CMC2: variants seen among roughly 807,000 people sequenced by gnomAD.
CMC2 encodes C-X9-C motif containing 2.
A neutral mutation model predicts 7.5 loss-of-function variants in CMC2; 5 were observed. The observed-to-expected ratio is 0.66, with a 90% CI of 0.35 to 1.40. CMC2 has a LOEUF of 1.40. Ranked by LOEUF, CMC2 falls within the 40% of genes most tolerant of loss-of-function variation. The pLI, the probability that CMC2 is intolerant of heterozygous loss-of-function variation, is 0.04. For synonymous variants in CMC2, 37 were observed against 31.4 expected (o/e 1.18, Z -0.60); for missense variants, 115 against 92.3 (o/e 1.25, Z -1.01).
intron 1 of CMC2, among the ~76,000 whole-genome samples, chr16:81,004,728 A>G (rs895728609): frequency 3.9e-5 from 6 of 152,232 alleles, no homozygotes; most frequent in African/African-American, 1.4e-4. Flanking sequence ...TATAAAAATT[A>G]TAGCTTTCTT....
chr16:80,978,410 TG>T (rs59299004), intron 3 of CMC2: 79,933 of 1,246,984 alleles, frequency 0.064, 4,638 homozygotes, highest in African/African-American at 0.25. Flanking sequence ...GAAGTCCAGA[TG>T]GTCCCTGAAT....
At chr16:80,985,118 A>G (rs770583393) in intron 2 of CMC2, among the ~76,000 whole-genome samples, 1 of 152,230 alleles carries the variant, frequency 6.6e-6, no homozygotes, top group Non-Finnish European at 1.5e-5. Context: ...CTCTCACAGT[A>G]CATAGTCAGA....
At chr16:81,000,327 C>G (rs112455825) in intron 1 of CMC2, among the ~76,000 whole-genome samples, 3 of 152,076 alleles carry the variant, frequency 2.0e-5, no homozygotes, top group Admixed American at 6.6e-5. Flanking sequence ...GAAACCCCAT[C>G]TCTACTAAAG....
rs1285978151 is a variant in CMC2, at chr16:80,966,522, G to C, written c.*9571C>G. On this transcript the variant is annotated 3_prime_UTR_variant, in exon 4 of 4. Transcript: ENST00000219400. ...TTGTATCTTGTTTTGGTCTTAGGTT[G>C]AAAATCTTGGTTTCTACTGACACTA... 1 of 152,114 alleles carries C rather than the reference G, an allele frequency of 6.6e-6. No homozygotes were observed. The highest frequency in any genetic ancestry group is 2.4e-5 in the African/African-American group (1 of 41,406). The allele number at this position is 152,114 out of a possible 1,614,324, so 9.4% of individuals were successfully genotyped here. A position where few individuals can be genotyped will look rare whatever the true frequency, so the allele number is the denominator to read the frequency against.
chr16:80,997,449 T>C lies in CMC2; in HGVS notation c.-35-20A>G. ...TGCAACCTGTGGATACAAGAGTGTC[T>C]TGAATATGCATAAACACATTTGTTA... On this transcript the variant is annotated intron_variant, in intron 1 of 3. Transcript: ENST00000219400. 5 of 1,254,544 alleles carry C rather than the reference T, an allele frequency of 4.0e-6. No individual in the cohort carries two copies. In the South Asian group the frequency reaches 4.8e-5, roughly 12 times the overall value. The allele number at this position is 1,254,544 out of a possible 1,614,324, so 77.7% of individuals were successfully genotyped here.
In CMC2 at chr16:80,971,617, A is replaced by C. The variant is rs1052813744; in HGVS notation, c.*4476T>G. 2.3e-5 allele frequency: 3 copies of C among 132,946 alleles called. No individual in the cohort carries two copies. The highest frequency in any genetic ancestry group is 4.7e-5 in the Non-Finnish European group (3 of 63,850). 8.2% of individuals were successfully genotyped at this position (132,946 alleles called of 1,614,324 possible). A position where few individuals can be genotyped will look rare whatever the true frequency, so the allele number is the denominator to read the frequency against. ...AATCATGCATATATATATATGTATGAAATCATGCATGAGAATGAAATATAT... is the reference window on the plus strand; with the variant it reads ...AATCATGCATATATATATATGTATGCAATCATGCATGAGAATGAAATATAT... On this transcript the variant is annotated 3_prime_UTR_variant, in exon 4 of 4. Transcript: ENST00000219400.
intron 3 of CMC2, among the ~76,000 whole-genome samples, chr16:80,979,978 C>T (rs1420401709): frequency 2.0e-5 from 3 of 151,582 alleles, no homozygotes; most frequent in South Asian, 2.1e-4. Context: ...AGCACTGTGG[C>T]GACCTAGATA....
chr16:80,968,336 A>C lies in CMC2; in HGVS notation c.*7757T>G, dbSNP rs2151600838. On this transcript the variant is annotated 3_prime_UTR_variant, in exon 4 of 4. Transcript: ENST00000219400. ...TTCTCCCACCTCGGCCTTCGAAAGTACTGGGATTACAGGCGCAAGCCACCC... is the reference window on the plus strand; with the variant it reads ...TTCTCCCACCTCGGCCTTCGAAAGTCCTGGGATTACAGGCGCAAGCCACCC... 1 of 152,320 alleles carries C rather than the reference A, an allele frequency of 6.6e-6. No homozygotes were observed. The highest frequency in any genetic ancestry group is 2.4e-5 in the African/African-American group (1 of 41,550). 9.4% of individuals were successfully genotyped at this position (152,320 alleles called of 1,614,324 possible). A position where few individuals can be genotyped will look rare whatever the true frequency, so the allele number is the denominator to read the frequency against.
At chr16:81,005,400 A>C (rs1025005588) in intron 1 of CMC2, among the ~76,000 whole-genome samples, 8 of 151,588 alleles carry the variant, frequency 5.3e-5, no homozygotes, top group African/African-American at 1.7e-4. Flanking sequence ...CGACAAAACA[A>C]GACGCCGTCT....
rs1331549024 is a variant in CMC2 at position 81,006,857 on chromosome 16, C to T, written c.-159G>A. 7.1e-6 allele frequency: 7 copies of T among 985,826 alleles called. No homozygotes were observed. In the South Asian group the frequency reaches 2.3e-4, roughly 33 times the overall value. 61.1% of individuals were successfully genotyped at this position (985,826 alleles called of 1,614,324 possible). ...GCCAGACGCCGAAACCCAGTGACGCCCTCCACCGCTCCACCGTGCTCCCGG... is the reference window on the plus strand; with the variant it reads ...GCCAGACGCCGAAACCCAGTGACGCTCTCCACCGCTCCACCGTGCTCCCGG... On this transcript the variant is annotated 5_prime_UTR_variant, in exon 1 of 4. Coordinates refer to ENST00000219400, the MANE Select transcript of CMC2 (RefSeq NM_020188.5).
At chr16:80,997,504 T>C in intron 1 of CMC2, 75 bp from the exon 2 acceptor site, 1 of 748,110 alleles carries the variant, frequency 1.3e-6, no homozygotes, top group Non-Finnish European at 2.3e-6. Context: ...CATAAGAACC[T>C]CTAGTGACCT....
At chr16:80,997,137 A>G in intron 2 of CMC2, 177 bp downstream of exon 2, 1 of 604,152 alleles carries the variant, frequency 1.7e-6, no homozygotes, top group Non-Finnish European at 3.0e-6. Flanking sequence ...TCATAAAAGG[A>G]GGTAGTTTGT....
At position 80,973,117 on chromosome 16, in the gene CMC2, A is replaced by C. The variant is rs962304463; in HGVS notation, c.*2976T>G. On this transcript the variant is annotated 3_prime_UTR_variant, in exon 4 of 4. Transcript: ENST00000219400. ...CTGGGGAAAGTCAGCAAGGCTGATG[A>C]GATGTAAAGCATGGAATAAGATGCA... The C allele has an allele frequency of 3.9e-5, 6 of 152,414 alleles. No individual in the cohort carries two copies. Among genetic ancestry groups the C allele is most frequent in the African/African-American group, 1.4e-4 (6 of 41,596 alleles). 9.4% of individuals were successfully genotyped at this position (152,414 alleles called of 1,614,324 possible). A position where few individuals can be genotyped will look rare whatever the true frequency, so the allele number is the denominator to read the frequency against.
rs1911970252 is a variant in CMC2 at position 80,972,079 on chromosome 16, C to T, written c.*4014G>A. 6.6e-6 allele frequency: 1 copy of T among 152,196 alleles called. No homozygotes were observed. Among genetic ancestry groups the T allele is most frequent in the African/African-American group, 2.4e-5 (1 of 41,440 alleles). 9.4% of individuals were successfully genotyped at this position (152,196 alleles called of 1,614,324 possible). The stretch of plus-strand genomic sequence containing the variant: ...AGAGCTTAGAGGACAGAAATGGCCC[C>T]ACAGGCCTCTAGCCCAGGCCACCTG... On this transcript the variant is annotated 3_prime_UTR_variant, in exon 4 of 4. Coordinates refer to ENST00000219400, the MANE Select transcript of CMC2 (RefSeq NM_020188.5).
intron 2 of CMC2, among the ~76,000 whole-genome samples, chr16:80,989,288 C>T (rs911734179): frequency 6.6e-6 from 1 of 152,288 alleles, no homozygotes; most frequent in African/African-American, 2.4e-5. Context: ...AATTCTAGCA[C>T]TCCTCTTATA....
Position 80,971,562 on chromosome 16 carries a change from TTTTA to T in CMC2, c.*4527_*4530del, listed in dbSNP as rs1223551695. On this transcript the variant is annotated 3_prime_UTR_variant, in exon 4 of 4. Transcript: ENST00000219400. The stretch of plus-strand genomic sequence containing the variant: ...GGCTATGGATACTGACATACATACA[TTTTA>T]TATATATATATATATATATGTATGA... The T allele has an allele frequency of 2.1e-4, 16 of 76,034 alleles. No individual in the cohort carries two copies. The highest frequency in any genetic ancestry group is 9.9e-4 in the African/African-American group (14 of 14,212). The allele number at this position is 76,034 out of a possible 1,614,324, so 4.7% of individuals were successfully genotyped here.
chr16:80,978,950 G>GGT (rs1275474708), intron 3 of CMC2, among the ~76,000 whole-genome samples: 22 of 152,022 alleles, frequency 1.4e-4, no homozygotes, highest in Admixed American at 1.4e-3. Context: ...GCGTGGTGGT[G>GGT]GGCACCTGTA....
rs368667457 is a variant in CMC2 at position 80,997,187 on chromosome 16, C to G, written c.81+127G>C. On this transcript the variant is annotated intron_variant, in intron 2 of 3. Transcript: ENST00000219400. Reference sequence around the variant, plus strand: ...AAAATCGCACATATCAACTGCTAATCTTGACTAAACTCAGACTCCTTACTA... The same window carrying G: ...AAAATCGCACATATCAACTGCTAATGTTGACTAAACTCAGACTCCTTACTA... 1.5e-5 allele frequency: 10 copies of G among 663,212 alleles called. No homozygotes were observed. In the African/African-American group the frequency reaches 1.8e-4, roughly 12 times the overall value. 41.1% of individuals were successfully genotyped at this position (663,212 alleles called of 1,614,324 possible).
intron 2 of CMC2, among the ~76,000 whole-genome samples, chr16:80,987,424 CTATCTAAAATGATATGTATTATTTACAT>C (rs1287949241): frequency 1.3e-5 from 2 of 152,122 alleles, no homozygotes; most frequent in Non-Finnish European, 2.9e-5. Context: ...TTTTTTAACA[CTATCTAAAATGATATGTATTATTTACAT>C]ATTACTTTTA....
Sources: gnomAD v4.1 joint callset for allele counts (sites outside exome capture counted in the v4.1 genomes callset) on GRCh38, gnomAD v4.1.1 for gene constraint, MANE v1.5 for transcripts, NCBI Gene and HGNC (gene_info 2026-07-23, HGNC 2026-07-21) for gene names.